The following VTI1A variants were observed in gnomAD, a reference collection of about 807,000 sequenced individuals.
The protein encoded by VTI1A is vesicle transport through interaction with t-SNAREs homolog 1A.
Under a neutral mutation model 34.9 loss-of-function variants are expected in VTI1A, and 22 were observed. The ratio of observed to expected loss-of-function variants is 0.63; its 90% confidence interval spans 0.45 to 0.90. VTI1A has a LOEUF of 0.90. Ranked by LOEUF, VTI1A falls within the 40% of genes least tolerant of loss-of-function variation. VTI1A has a pLI of 0.00. For synonymous variants in VTI1A, 87 were observed against 97.3 expected, an observed-to-expected ratio of 0.89 and a Z score of 0.62; for missense variants, 268 against 275.6, an observed-to-expected ratio of 0.97 and a Z score of 0.20.
At chr10:112,535,047 G>A (rs1265702677) in intron 4 of VTI1A, among the ~76,000 whole-genome samples, 1 of 152,108 alleles carries the variant, frequency 6.6e-6, no homozygotes, top group Non-Finnish European at 1.5e-5. Context: ...CAAATTAGAA[G>A]TCTTAATTCC....
At chr10:112,740,978 T>C (rs1342596343) in intron 7 of VTI1A, among the ~76,000 whole-genome samples, 1 of 152,200 alleles carries the variant, frequency 6.6e-6, no homozygotes, top group Non-Finnish European at 1.5e-5. Flanking sequence ...TATTCAGCCA[T>C]GAACAGGAAT....
intron 7 of VTI1A, among the ~76,000 whole-genome samples, chr10:112,723,269 A>T (rs1326616514): frequency 6.6e-6 from 1 of 152,176 alleles, no homozygotes; most frequent in East Asian, 1.9e-4. Context: ...ACCTATAGAA[A>T]AAGTGCTCTT....
intron 7 of VTI1A, among the ~76,000 whole-genome samples, chr10:112,704,821 T>C (rs546193385): frequency 6.6e-6 from 1 of 151,788 alleles, no homozygotes; most frequent in Non-Finnish European, 1.5e-5. Context: ...CCAGTAGGGA[T>C]ACAAAGATGA....
At chr10:112,656,166 C>G (rs1178806581) in intron 5 of VTI1A, among the ~76,000 whole-genome samples, 2 of 152,144 alleles carry the variant, frequency 1.3e-5, no homozygotes, top group African/African-American at 2.4e-5. Flanking sequence ...CCCGAGTTGA[C>G]TGCCTGGGGT....
chr10:112,788,970 A>G (rs1267589531), intron 7 of VTI1A, among the ~76,000 whole-genome samples: 6 of 152,074 alleles, frequency 3.9e-5, no homozygotes, highest in Admixed American at 2.0e-4. Context: ...TTTGTTACGT[A>G]TAGATATGAC....
the VTI1A span, among the ~76,000 whole-genome samples, chr10:112,830,889 A>C: frequency 3.7e-5 from 4 of 109,458 alleles, no homozygotes; most frequent in Admixed American, 2.2e-4. Context: ...TCACTCAGTC[A>C]CCCAAGCTGG....
intron 3 of VTI1A, among the ~76,000 whole-genome samples, chr10:112,516,723 G>A (rs561692341): frequency 6.6e-6 from 1 of 152,178 alleles, no homozygotes; most frequent in East Asian, 1.9e-4. Flanking sequence ...AAGGGCCCCA[G>A]TTGTAGATAT....
intron 5 of VTI1A, among the ~76,000 whole-genome samples, chr10:112,628,954 G>C (rs1315772799): frequency 6.6e-6 from 1 of 151,876 alleles, no homozygotes; most frequent in African/African-American, 2.4e-5. Context: ...GACTCTCTTT[G>C]ATACACCAGA....
intron 5 of VTI1A, among the ~76,000 whole-genome samples, chr10:112,578,777 A>C (rs1346203600): frequency 1.3e-5 from 2 of 152,232 alleles, no homozygotes; most frequent in Non-Finnish European, 2.9e-5. Context: ...GATACCCATT[A>C]GATGTATAAT....
At chr10:112,571,783 G>A (rs890368962) in intron 5 of VTI1A, among the ~76,000 whole-genome samples, 10 of 152,086 alleles carry the variant, frequency 6.6e-5, no homozygotes, top group Non-Finnish European at 8.8e-5. Flanking sequence ...TGGTGTATAC[G>A]TACACTGTGG....
the VTI1A span, among the ~76,000 whole-genome samples, chr10:112,827,929 A>G: frequency 6.7e-6 from 1 of 150,288 alleles, no homozygotes; most frequent in African/African-American, 2.5e-5. Context: ...ATTTTTCTTT[A>G]ATTTCCCAAA....
intron 7 of VTI1A, among the ~76,000 whole-genome samples, chr10:112,694,411 C>T (rs11196061): frequency 0.16 from 24,202 of 151,516 alleles, 3,729 homozygotes; most frequent in African/African-American, 0.39. Flanking sequence ...GATGGACGGA[C>T]GGACAGACTT....
intron 5 of VTI1A, among the ~76,000 whole-genome samples, chr10:112,545,948 ATG>A (rs749855516): frequency 1.2e-4 from 18 of 149,588 alleles, no homozygotes; most frequent in East Asian, 6.0e-4. Context: ...TTGCATGTAT[ATG>A]TGTGTGTGTA....
intron 5 of VTI1A, among the ~76,000 whole-genome samples, chr10:112,557,491 TG>T (rs1164691338): frequency 6.6e-6 from 1 of 152,190 alleles, no homozygotes; most frequent in Non-Finnish European, 1.5e-5. Context: ...AAAATATTGC[TG>T]AAGATTTCCT....
At chr10:112,664,747 A>G (rs1182583413) in intron 5 of VTI1A, among the ~76,000 whole-genome samples, 1 of 152,194 alleles carries the variant, frequency 6.6e-6, no homozygotes, top group Non-Finnish European at 1.5e-5. Context: ...AACTGTAAAA[A>G]TGAAAATTCA....
At chr10:112,827,053 A>C in the VTI1A span, 1 of 152,176 alleles carries the variant, frequency 6.6e-6, no homozygotes. Context: ...CCCCAATATC[A>C]TGTTAAAGTT....
intron 5 of VTI1A, among the ~76,000 whole-genome samples, chr10:112,551,021 A>G (rs893258145): frequency 2.0e-5 from 3 of 152,132 alleles, no homozygotes; most frequent in Non-Finnish European, 4.4e-5. Context: ...AGGCGGGCGG[A>G]TCACGAGGTC....
At chr10:112,842,162 G>A in the VTI1A span, among the ~76,000 whole-genome samples, 4 of 138,514 alleles carry the variant, frequency 2.9e-5, no homozygotes, top group African/African-American at 5.4e-5. Flanking sequence ...TCCCAGGTTC[G>A]CAGAAACAAG....
At position 112,599,418 on chromosome 10, in the gene VTI1A, C is replaced by T. The variant is rs1001514570; in HGVS notation, c.427+61088C>T. Among the ~76,000 whole-genome samples, 7 of 152,070 alleles carry T rather than the reference C, an allele frequency of 4.6e-5. No individual in the cohort carries two copies. The South Asian group carries it at 6.2e-4, about 14-fold the overall frequency. On this transcript the variant is annotated intron_variant, in intron 5 of 7. Coordinates refer to ENST00000393077, the MANE Select transcript of VTI1A (RefSeq NM_145206.4). ...GGAAGATACTGCCCTCTTGGATCTT[C>T]GAGCATAGCTAGGGCGTATGCATGT...
Sources: allele counts gnomAD v4.1 joint callset (sites outside exome capture counted in the v4.1 genomes callset), GRCh38; gene constraint gnomAD v4.1.1; transcripts MANE v1.5; gene names NCBI Gene and HGNC (gene_info 2026-07-23, HGNC 2026-07-21).